Variants in ADAMTS2 observed in about 807,000 individuals in gnomAD.
ADAMTS2 encodes the protein A disintegrin and metalloproteinase with thrombospondin motifs 2.
ADAMTS2 carries 50 observed loss-of-function variants against 123.0 expected under a neutral mutation model. The ratio of observed to expected loss-of-function variants is 0.41; its 90% confidence interval spans 0.32 to 0.51. The LOEUF is 0.51. ADAMTS2 is among the 20% of genes least tolerant of loss of function. The pLI is 0.35. For missense variants in ADAMTS2, 1,494 were observed against 1,705.2 expected, an observed-to-expected ratio of 0.88 and a Z score of 2.18; for synonymous variants, 678 against 695.4, an observed-to-expected ratio of 0.98 and a Z score of 0.39.
At chr5:179,176,023 T>C (rs1455117835) in intron 5 of ADAMTS2, among the ~76,000 whole-genome samples, 1 of 152,172 alleles carries the variant, frequency 6.6e-6, no homozygotes, top group Non-Finnish European at 1.5e-5. Flanking sequence ...GGAATGCCCA[T>C]TTTCCTTTGT....
At chr5:179,268,273 G>C (rs993750811) in intron 3 of ADAMTS2, among the ~76,000 whole-genome samples, 35 of 152,328 alleles carry the variant, frequency 2.3e-4, no homozygotes, top group African/African-American at 7.7e-4. Context: ...TCCCACTGCT[G>C]TTTCTTTTTA....
Position 179,124,967 on chromosome 5 carries a change from G to A in ADAMTS2, c.2958+6C>T. 1 of 1,600,058 alleles carries A rather than the reference G, an allele frequency of 6.2e-7. No individual in the cohort carries two copies. The highest frequency in any genetic ancestry group is 8.5e-7 in the Non-Finnish European group (1 of 1,176,548). ...GCTGAGGACACGGGATCGGGGGATT[G>A]CGTACCTGGGACCAGGGCCCGGCTC... On this transcript the variant is annotated splice_donor_region_variant and intron_variant, in intron 19 of 21. Coordinates refer to ENST00000251582, the MANE Select transcript of ADAMTS2 (RefSeq NM_014244.5).
intron 5 of ADAMTS2, among the ~76,000 whole-genome samples, chr5:179,177,328 T>A (rs1310698022): frequency 2.0e-5 from 3 of 152,232 alleles, no homozygotes; most frequent in African/African-American, 7.2e-5. Flanking sequence ...TGCCTTGGGA[T>A]TTTTACTTCT....
intron 3 of ADAMTS2, among the ~76,000 whole-genome samples, chr5:179,266,056 G>A (rs1766362098): frequency 6.6e-6 from 1 of 152,212 alleles, no homozygotes; most frequent in South Asian, 2.1e-4. Flanking sequence ...GGCCTCAGGG[G>A]TCTGGGGAGT....
chr5:179,330,432 C>T (rs1757452335), intron 2 of ADAMTS2, among the ~76,000 whole-genome samples: 1 of 152,238 alleles, frequency 6.6e-6, no homozygotes, highest in Non-Finnish European at 1.5e-5. Context: ...GAGACTGCCC[C>T]AATCAGGGCC....
chr5:179,182,933 A>AG (rs1764081018), intron 4 of ADAMTS2, among the ~76,000 whole-genome samples: 1 of 152,188 alleles, frequency 6.6e-6, no homozygotes, highest in South Asian at 2.1e-4. Context: ...CCAGGTCCCC[A>AG]GGAAGCCTTG....
intron 3 of ADAMTS2, among the ~76,000 whole-genome samples, chr5:179,212,456 T>G (rs181919973): frequency 6.8e-4 from 40 of 59,066 alleles, no homozygotes; most frequent in East Asian, 1.5e-3. Flanking sequence ...GAGGGTGGGT[T>G]CAGTGGGCAC....
Position 179,285,703 on chromosome 5 carries a change from G to A in ADAMTS2, c.535-12639C>T, listed in dbSNP as rs372095274. The stretch of plus-strand genomic sequence containing the variant: ...CAGCATGAAGCCCACGTCGGGGAAC[G>A]TCCCCAGTCACAAATTAACATTCAC... On this transcript the variant is annotated intron_variant, in intron 2 of 21. Transcript: ENST00000251582. The surrounding 1 kb of genome is among the most constrained non-coding windows in gnomAD (Gnocchi z 4.9). Among the ~76,000 whole-genome samples, 67 of 152,328 alleles carry A rather than the reference G, an allele frequency of 4.4e-4. No individual in the cohort carries two copies. The South Asian group carries it at 9.3e-3, about 21-fold the overall frequency.
chr5:179,233,948 G>A (rs1261616659), intron 3 of ADAMTS2, among the ~76,000 whole-genome samples: 1 of 152,100 alleles, frequency 6.6e-6, no homozygotes, highest in African/African-American at 2.4e-5. Context: ...CTCACAGAGT[G>A]TGGGATTTGA....
At position 179,170,489 on chromosome 5, in the gene ADAMTS2, G is replaced by A. The variant is rs146730600; in HGVS notation, c.975+10583C>T. On this transcript the variant is annotated intron_variant, in intron 5 of 21. Transcript: ENST00000251582. The surrounding 1 kb of genome is among the most constrained non-coding windows in gnomAD (Gnocchi z 4.3). The stretch of plus-strand genomic sequence containing the variant: ...AGAGACGGGGGCCTCATTCCTTGAC[G>A]GGAAGCCTGTGGTTCCTTGAAGAGC... Among the ~76,000 whole-genome samples, 14 of 152,148 alleles carry A rather than the reference G, an allele frequency of 9.2e-5. No homozygotes were observed. The highest frequency in any genetic ancestry group is 2.6e-4 in the Admixed American group (4 of 15,298).
At chr5:179,120,941 A>G (rs139486865) in intron 21 of ADAMTS2, 1 of 152,298 alleles carries the variant, frequency 6.6e-6, no homozygotes, top group East Asian at 1.9e-4. Flanking sequence ...AGTTTTTCTA[A>G]GCAAAAAAGC....
intron 2 of ADAMTS2, among the ~76,000 whole-genome samples, chr5:179,279,574 C>T (rs758834578): frequency 7.2e-5 from 11 of 152,238 alleles, no homozygotes; most frequent in Non-Finnish European, 1.3e-4. Flanking sequence ...GTTCCCAGGG[C>T]GCCTCCTCTC....
chr5:179,339,777 G>A (rs1375091312), intron 2 of ADAMTS2, among the ~76,000 whole-genome samples: 2 of 152,236 alleles, frequency 1.3e-5, no homozygotes, highest in African/African-American at 4.8e-5. Flanking sequence ...GCAAATCTCA[G>A]GTGCCCCTCA....
At chr5:179,138,363 G>A (rs928193111) in intron 11 of ADAMTS2, among the ~76,000 whole-genome samples, 1 of 152,190 alleles carries the variant, frequency 6.6e-6, no homozygotes, top group Non-Finnish European at 1.5e-5. Context: ...TCTGCAGCTG[G>A]CCCTGGGCAC....
At chr5:179,206,052 C>A (rs1320351815) in intron 4 of ADAMTS2, among the ~76,000 whole-genome samples, 1 of 152,206 alleles carries the variant, frequency 6.6e-6, no homozygotes, top group Non-Finnish European at 1.5e-5. Flanking sequence ...AGCCACCGCA[C>A]CCGGCCGTTA....
Position 179,170,469 on chromosome 5 carries a change from C to T in ADAMTS2, c.975+10603G>A, listed in dbSNP as rs757555082. Among the ~76,000 whole-genome samples the T allele has an allele frequency of 7.9e-5, 12 of 152,078 alleles. No individual in the cohort carries two copies. The highest frequency in any genetic ancestry group is 1.7e-4 in the African/African-American group (7 of 41,394). On this transcript the variant is annotated intron_variant, in intron 5 of 21. Coordinates refer to ENST00000251582, the MANE Select transcript of ADAMTS2 (RefSeq NM_014244.5). The surrounding 1 kb of genome is among the most constrained non-coding windows in gnomAD (Gnocchi z 4.3). ...TGCCATGCTAAAATTCTTCTAGAGA[C>T]GGGGGCCTCATTCCTTGACGGGAAG...
intron 2 of ADAMTS2, among the ~76,000 whole-genome samples, chr5:179,302,542 C>T (rs1756559563): frequency 6.6e-6 from 1 of 152,000 alleles, no homozygotes; most frequent in South Asian, 2.1e-4. Context: ...TCCGGCTTCC[C>T]AACCTCCACC....
At chr5:179,292,660 T>C (rs1362661127) in intron 2 of ADAMTS2, among the ~76,000 whole-genome samples, 2 of 151,824 alleles carry the variant, frequency 1.3e-5, no homozygotes, top group African/African-American at 2.4e-5. Flanking sequence ...GGGAACAGCC[T>C]AGAAGGACTG....
rs751641212 is a variant in ADAMTS2 at position 179,158,761 on chromosome 5, A to G, written c.1094T>C (p.Phe365Ser). ...GHDEYHDHAI[F>S]LTRQDFGPSG... ...AGGCCCAAAGTCCTGCCGTGTGAGGAAGATGGCGTGATCGTGGTATTCATC... is the reference window on the plus strand; with the variant it reads ...AGGCCCAAAGTCCTGCCGTGTGAGGGAGATGGCGTGATCGTGGTATTCATC... The change falls in exon 6 of 22, where the codon TTC (phenylalanine) becomes TCC (serine). Residue 365 changes from phenylalanine to serine, a missense_variant. Physicochemically the swap from Phe to Ser is radical, Grantham distance 155. This residue lies in a region of ADAMTS2 where 47 missense variants were observed against 92.7 expected (regional missense o/e 0.51). Coordinates refer to ENST00000251582, the MANE Select transcript of ADAMTS2 (RefSeq NM_014244.5). This position sits in a 1 kb window ranked among gnomAD's most constrained non-coding sequence, Gnocchi z 5.0. 6.2e-7 allele frequency: 1 copy of G among 1,614,160 alleles called. No individual in the cohort carries two copies.
Sources: allele counts gnomAD v4.1 joint callset (sites outside exome capture counted in the v4.1 genomes callset), GRCh38; gene constraint gnomAD v4.1.1; regional missense constraint gnomAD v4.1.1; non-coding constraint Gnocchi (gnomAD v3.1); transcripts MANE v1.5; gene names NCBI Gene and HGNC (gene_info 2026-07-23, HGNC 2026-07-21).